Variants in CACNA2D3 observed in about 807,000 individuals in gnomAD.
CACNA2D3 encodes calcium voltage-gated channel auxiliary subunit alpha2delta 3.
A neutral mutation model predicts 160.6 loss-of-function variants in CACNA2D3; 60 were observed. The ratio of observed to expected loss-of-function variants is 0.37; its 90% CI spans 0.30 to 0.46. CACNA2D3 has a LOEUF of 0.46. CACNA2D3 is among the 20% of genes least tolerant of loss of function. The probability of loss-of-function intolerance (pLI) is 1.00; values close to 1 mark genes in which losing one functional copy is unlikely to be tolerated. For missense variants in CACNA2D3, 1,205 were observed against 1,365.0 expected (o/e 0.88, Z 1.85); for synonymous variants, 558 against 492.9 (o/e 1.13, Z -1.75).
chr3:54,743,270 T>A, intron 11 of CACNA2D3, among the ~76,000 whole-genome samples: 1 of 152,280 alleles, frequency 6.6e-6, no homozygotes. Flanking sequence ...ACCATTAATA[T>A]AACTTAAGAA....
intron 11 of CACNA2D3, among the ~76,000 whole-genome samples, chr3:54,751,588 G>A (rs528793210): frequency 3.3e-5 from 5 of 152,214 alleles, no homozygotes; most frequent in South Asian, 2.1e-4. Context: ...GGAGCAGATC[G>A]ACTTCACAGA....
At chr3:54,704,229 T>G (rs1250387517) in intron 11 of CACNA2D3, among the ~76,000 whole-genome samples, 1 of 152,198 alleles carries the variant, frequency 6.6e-6, no homozygotes, top group Non-Finnish European at 1.5e-5. Flanking sequence ...ATTTAGAATC[T>G]CAATAAAAAA....
intron 9 of CACNA2D3, among the ~76,000 whole-genome samples, chr3:54,582,391 G>A (rs541129740): frequency 1.3e-5 from 2 of 152,330 alleles, no homozygotes; most frequent in African/African-American, 4.8e-5. Context: ...AGGACGATAC[G>A]TTAAAGGAGA....
In CACNA2D3 at chr3:54,302,047, T is replaced by C. The variant is rs144635167; in HGVS notation, c.205-18395T>C. 2.1e-3 allele frequency among the ~76,000 whole-genome samples: 320 copies of C among 152,350 alleles called. 4 individuals are homozygous for C. The highest frequency in any genetic ancestry group is 7.1e-3 in the African/African-American group (297 of 41,598). On this transcript the variant is annotated intron_variant, in intron 2 of 37. Coordinates refer to ENST00000474759, the MANE Select transcript of CACNA2D3 (RefSeq NM_018398.3). The stretch of plus-strand genomic sequence containing the variant: ...AGTTCTTGCCTCACGTTGTTACTTT[T>C]CTGATTCCTGATCTAGCATCTGTAA...
At chr3:54,359,534 G>A (rs562369822) in intron 3 of CACNA2D3, among the ~76,000 whole-genome samples, 20 of 152,282 alleles carry the variant, frequency 1.3e-4, no homozygotes, top group South Asian at 2.1e-4. Context: ...TTTATGTCAC[G>A]CAAGAAACCA....
intron 4 of CACNA2D3, among the ~76,000 whole-genome samples, chr3:54,390,379 A>C (rs1218773929): frequency 1.3e-5 from 2 of 152,210 alleles, no homozygotes; most frequent in Non-Finnish European, 2.9e-5. Context: ...CTCTCTTGAA[A>C]AAATGAGGCA....
At chr3:54,855,454 A>G (rs1009734308) in intron 17 of CACNA2D3, among the ~76,000 whole-genome samples, 1 of 152,184 alleles carries the variant, frequency 6.6e-6, no homozygotes, top group Non-Finnish European at 1.5e-5. Flanking sequence ...TTGCCAGCTC[A>G]TGTATACCAC....
chr3:54,138,927 G>A lies in CACNA2D3; in HGVS notation c.204+15333G>A, dbSNP rs977866214. On this transcript the variant is annotated intron_variant, in intron 2 of 37. Coordinates refer to ENST00000474759, the MANE Select transcript of CACNA2D3 (RefSeq NM_018398.3). ...ATCTGGATCTGGTTTTCTGTATTTG[G>A]ATCCCTTTTCTTTTTGTTGTTTGGG... 2.6e-5 allele frequency among the ~76,000 whole-genome samples: 4 copies of A among 152,296 alleles called. No individual in the cohort carries two copies. In the South Asian group the frequency reaches 8.3e-4, roughly 32 times the overall value.
chr3:54,793,239 C>T (rs1447002595), intron 13 of CACNA2D3, among the ~76,000 whole-genome samples: 2 of 152,180 alleles, frequency 1.3e-5, no homozygotes, highest in African/African-American at 2.4e-5. Flanking sequence ...TTCCTGTCGT[C>T]GTAAATACTT....
At chr3:54,995,004 G>A (rs750900431) in intron 31 of CACNA2D3, among the ~76,000 whole-genome samples, 11 of 151,664 alleles carry the variant, frequency 7.3e-5, no homozygotes, top group South Asian at 2.1e-4. Flanking sequence ...ATGGAGTTTC[G>A]CTCTTGTCAC....
Position 54,592,851 on chromosome 3 carries a change from G to T in CACNA2D3, c.963+10974G>T, listed in dbSNP as rs551752254. Among the ~76,000 whole-genome samples the T allele has an allele frequency of 2.0e-5, 3 of 152,304 alleles. No individual in the cohort carries two copies. In the South Asian group the frequency reaches 6.2e-4, roughly 32 times the overall value. On this transcript the variant is annotated intron_variant, in intron 9 of 37. Coordinates refer to ENST00000474759, the MANE Select transcript of CACNA2D3 (RefSeq NM_018398.3). ...CATAAACTAACAAAAGTACACACCA[G>T]AGTTGCTGGATTTTCCCCAGTACTT...
chr3:54,147,415 C>T (rs556028082), intron 2 of CACNA2D3, among the ~76,000 whole-genome samples: 98 of 152,342 alleles, frequency 6.4e-4, no homozygotes, highest in Admixed American at 5.2e-4. Context: ...GGAGAATTTC[C>T]CACTAATCTC....
intron 4 of CACNA2D3, among the ~76,000 whole-genome samples, chr3:54,435,093 T>C (rs1455447117): frequency 6.6e-6 from 1 of 151,886 alleles, no homozygotes; most frequent in African/African-American, 2.4e-5. Flanking sequence ...TGATGGGAGG[T>C]AGGGCTACTC....
chr3:54,652,152 A>G (rs1156265226), intron 11 of CACNA2D3, among the ~76,000 whole-genome samples: 1 of 151,758 alleles, frequency 6.6e-6, no homozygotes, highest in Non-Finnish European at 1.5e-5. Context: ...CCTCCACACG[A>G]CCGTCACTCT....
chr3:54,858,185 T>G (rs1234954515), intron 17 of CACNA2D3, among the ~76,000 whole-genome samples: 2 of 152,040 alleles, frequency 1.3e-5, no homozygotes, highest in Non-Finnish European at 2.9e-5. Flanking sequence ...TCCTGTAGAT[T>G]TGTCTGCACC....
chr3:54,809,616 C>CA lies in CACNA2D3; in HGVS notation c.1381-7237_1381-7236insA, dbSNP rs1703245056. Among the ~76,000 whole-genome samples, 15 of 139,970 alleles carry CA rather than the reference C, an allele frequency of 1.1e-4. 1 individual carries two copies. The highest frequency in any genetic ancestry group is 1.0e-3 in the Admixed American group (15 of 14,568). The allele number at this position is 139,970 out of a possible 152,430, so 91.8% of individuals were successfully genotyped here. A position where few individuals can be genotyped will look rare whatever the true frequency, so the allele number is the denominator to read the frequency against. Reference sequence around the variant, plus strand: ...TACAGGCGTGAGCCACCGCGCCCGGCCCCTTCCTTCTTTCTTTCTTTCTTT... The same window carrying CA: ...TACAGGCGTGAGCCACCGCGCCCGGCACCCTTCCTTCTTTCTTTCTTTCTTT... On this transcript the variant is annotated intron_variant, in intron 13 of 37. Coordinates refer to ENST00000474759, the MANE Select transcript of CACNA2D3 (RefSeq NM_018398.3).
chr3:54,552,621 T>C (rs1053834028), intron 5 of CACNA2D3, among the ~76,000 whole-genome samples: 5 of 152,148 alleles, frequency 3.3e-5, no homozygotes, highest in Admixed American at 3.3e-4. Flanking sequence ...GAAAAGTAGT[T>C]CATGACTACC....
chr3:55,026,987 G>GCACGCACACACACACA (rs1553634040), intron 35 of CACNA2D3, among the ~76,000 whole-genome samples: 1 of 149,138 alleles, frequency 6.7e-6, no homozygotes, highest in African/African-American at 2.6e-5. Context: ...AAGCGCGCAT[G>GCACGCACACACACACA]CACGCACACA....
intron 35 of CACNA2D3, among the ~76,000 whole-genome samples, chr3:55,022,522 CCTTTCTTCCTTCCTT>C (rs1358643266): frequency 2.8e-5 from 4 of 143,992 alleles, no homozygotes; most frequent in Non-Finnish European, 4.4e-5. Flanking sequence ...TTTCTTTGTT[CCTTTCTTCCTTCCTT>C]CTTTCTTTCT....
Sources: allele counts gnomAD v4.1 joint callset (sites outside exome capture counted in the v4.1 genomes callset), GRCh38; gene constraint gnomAD v4.1.1; transcripts MANE v1.5; gene names NCBI Gene and HGNC (gene_info 2026-07-23, HGNC 2026-07-21).